AGBL4: variants seen among roughly 807,000 people sequenced by gnomAD.
AGBL4 encodes cytosolic carboxypeptidase 6.
In AGBL4, 58 loss-of-function variants were observed where a neutral mutation model predicts 66.4. The ratio of observed to expected loss-of-function variants is 0.87; its 90% confidence interval spans 0.71 to 1.09. The LOEUF is 1.09. Among genes scored for constraint, AGBL4 ranks in the 50% least tolerant of loss-of-function variants. The pLI is 0.00. For synonymous variants in AGBL4, 234 were observed against 222.9 expected, an observed-to-expected ratio of 1.05 and a Z score of -0.44; for missense variants, 579 against 631.0, an observed-to-expected ratio of 0.92 and a Z score of 0.88.
At chr1:49,741,700 T>C (rs1300812730) in intron 2 of AGBL4, among the ~76,000 whole-genome samples, 1 of 152,078 alleles carries the variant, frequency 6.6e-6, no homozygotes, top group Non-Finnish European at 1.5e-5. Context: ...ATCTTATCCA[T>C]CATGATCAAG....
chr1:49,982,158 G>C (rs1276794721), intron 1 of AGBL4, among the ~76,000 whole-genome samples: 1 of 152,222 alleles, frequency 6.6e-6, no homozygotes, highest in Non-Finnish European at 1.5e-5. Flanking sequence ...TCAAAATTAA[G>C]TAGTATCCCA....
chr1:49,519,327 CT>C (rs2148797507), intron 3 of AGBL4, among the ~76,000 whole-genome samples: 1 of 152,076 alleles, frequency 6.6e-6, no homozygotes, highest in South Asian at 2.1e-4. Context: ...GATAGAACAT[CT>C]GGAAAAGCTT....
chr1:49,492,243 T>C (rs1025864211), intron 3 of AGBL4, among the ~76,000 whole-genome samples: 4 of 151,838 alleles, frequency 2.6e-5, no homozygotes, highest in African/African-American at 4.8e-5. Context: ...GCAATATTGA[T>C]GGTTGAATGT....
intron 3 of AGBL4, among the ~76,000 whole-genome samples, chr1:49,258,050 C>A (rs931788502): frequency 1.3e-5 from 2 of 152,162 alleles, no homozygotes; most frequent in Non-Finnish European, 2.9e-5. Context: ...GCCAGGCAAA[C>A]AGGGTCTGGA....
intron 6 of AGBL4, among the ~76,000 whole-genome samples, chr1:48,688,389 T>C (rs1646567979): frequency 6.6e-6 from 1 of 152,234 alleles, no homozygotes; most frequent in African/African-American, 2.4e-5. Flanking sequence ...CCACCCTTGG[T>C]GCACCACCTG....
At chr1:49,850,141 A>T (rs1370580799) in intron 2 of AGBL4, among the ~76,000 whole-genome samples, 1 of 152,188 alleles carries the variant, frequency 6.6e-6, no homozygotes, top group East Asian at 1.9e-4. Context: ...TTATAGAGGT[A>T]ATCAAGTTAA....
At chr1:49,594,756 T>C (rs1004604312) in intron 3 of AGBL4, among the ~76,000 whole-genome samples, 3 of 152,216 alleles carry the variant, frequency 2.0e-5, no homozygotes, top group South Asian at 4.1e-4. Context: ...TTTCTTTATC[T>C]AGTCTATCAT....
intron 3 of AGBL4, among the ~76,000 whole-genome samples, chr1:49,585,292 A>C (rs573061725): frequency 1.3e-5 from 2 of 152,304 alleles, no homozygotes; most frequent in South Asian, 4.1e-4. Context: ...GATGGCACTC[A>C]CATGGTTATG....
chr1:48,560,055 C>T (rs1010729300), intron 11 of AGBL4, among the ~76,000 whole-genome samples: 2 of 152,192 alleles, frequency 1.3e-5, no homozygotes, highest in African/African-American at 4.8e-5. Flanking sequence ...CCACCTCCTC[C>T]ATGAAATCTT....
Position 48,539,691 on chromosome 1 carries a change from G to A in AGBL4, c.1315C>T (p.Arg439Trp), listed in dbSNP as rs990556168. ...NVARTFLDYY[R>W]LNPVVEKVAI... The stretch of plus-strand genomic sequence containing the variant: ...ACCTTTTCAACCACGGGGTTCAGCC[G>A]ATAATAGTCCAAAAAGGTTCTTGCC... The change falls in exon 12 of 14, where the codon CGG becomes TGG. Residue 439 changes from arginine to tryptophan, a missense_variant. By Grantham distance (101) the Arg-to-Trp change is moderately radical. Transcript: ENST00000371839. 1.2e-5 allele frequency: 19 copies of A among 1,544,656 alleles called. No individual in the cohort carries two copies. Among genetic ancestry groups the A allele is most frequent in the East Asian group, 4.9e-5 (2 of 40,576 alleles).
Position 48,689,173 on chromosome 1 carries a change from C to T in AGBL4, c.635-25932G>A, listed in dbSNP as rs560004020. On this transcript the variant is annotated intron_variant, in intron 6 of 13. Coordinates refer to ENST00000371839, the MANE Select transcript of AGBL4 (RefSeq NM_032785.4). Reference sequence around the variant, plus strand: ...GAGATGGAGGTTGTGCCACTGAACTCAGCCTGGGTGACAGAGCGAGACCCG... The same window carrying T: ...GAGATGGAGGTTGTGCCACTGAACTTAGCCTGGGTGACAGAGCGAGACCCG... Among the ~76,000 whole-genome samples the T allele has an allele frequency of 2.2e-5, 3 of 135,320 alleles. No individual in the cohort carries two copies. In the South Asian group the frequency reaches 6.9e-4, roughly 31 times the overall value. 88.8% of individuals were successfully genotyped at this position (135,320 alleles called of 152,430 possible).
At chr1:49,904,750 C>T (rs1169131989) in intron 1 of AGBL4, among the ~76,000 whole-genome samples, 1 of 152,150 alleles carries the variant, frequency 6.6e-6, no homozygotes, top group African/African-American at 2.4e-5. Context: ...GGTAAACAAT[C>T]AGCCTACTTT....
intron 3 of AGBL4, among the ~76,000 whole-genome samples, chr1:49,459,529 GA>G (rs1471645764): frequency 6.6e-6 from 1 of 151,494 alleles, no homozygotes; most frequent in African/African-American, 2.4e-5. Context: ...TTCTAACTGA[GA>G]TTTTTTTTGG....
chr1:49,971,912 T>TTTTTTTTTTTTG (rs1557630096), intron 1 of AGBL4, among the ~76,000 whole-genome samples: 5 of 86,814 alleles, frequency 5.8e-5, no homozygotes, highest in African/African-American at 1.9e-4. Flanking sequence ...TTTGGGTTTT[T>TTTTTTTTTTTTG]TTTTTTTTTT....
intron 2 of AGBL4, among the ~76,000 whole-genome samples, chr1:49,777,528 TA>T (rs997372751): frequency 2.6e-5 from 4 of 152,092 alleles, no homozygotes; most frequent in African/African-American, 9.7e-5. Flanking sequence ...AAATACAACT[TA>T]AAAATAAGAG....
chr1:49,570,969 T>C (rs936463705), intron 3 of AGBL4, among the ~76,000 whole-genome samples: 1 of 152,130 alleles, frequency 6.6e-6, no homozygotes, highest in Non-Finnish European at 1.5e-5. Context: ...ACCATTACCA[T>C]GCTGTTTTAT....
At chr1:49,880,659 A>T (rs1321141709) in intron 1 of AGBL4, among the ~76,000 whole-genome samples, 1 of 152,154 alleles carries the variant, frequency 6.6e-6, no homozygotes, top group Non-Finnish European at 1.5e-5. Flanking sequence ...AGAGGCAGGC[A>T]AGCCTCCTTG....
chr1:49,861,298 C>T (rs575973470), intron 1 of AGBL4, among the ~76,000 whole-genome samples: 5 of 152,110 alleles, frequency 3.3e-5, no homozygotes, highest in African/African-American at 1.2e-4. Flanking sequence ...TCAGCTGGGG[C>T]AGCCAAGGAA....
intron 4 of AGBL4, among the ~76,000 whole-genome samples, chr1:49,243,132 T>C (rs1351012757): frequency 6.6e-6 from 1 of 151,590 alleles, no homozygotes; most frequent in Non-Finnish European, 1.5e-5. Flanking sequence ...TTTTAGTGTT[T>C]ATCCTAAAGT....
Sources: gnomAD v4.1 joint callset for allele counts (sites outside exome capture counted in the v4.1 genomes callset) on GRCh38, gnomAD v4.1.1 for gene constraint, MANE v1.5 for transcripts, NCBI Gene and HGNC (gene_info 2026-07-23, HGNC 2026-07-21) for gene names.